The following NPAS3 variants were observed in gnomAD, a reference collection of about 807,000 sequenced individuals.
NPAS3 encodes neuronal PAS domain protein 3, also known as neuronal PAS domain-containing protein 3.
A neutral mutation model predicts 73.1 loss-of-function variants in NPAS3; 14 were observed. The observed-to-expected ratio is 0.19, with a 90% confidence interval of 0.13 to 0.30. The LOEUF (loss-of-function observed/expected upper bound fraction) is 0.30. Ranked by LOEUF, NPAS3 falls within the 10% of genes least tolerant of loss-of-function variation. The pLI is 1.00. For missense variants in NPAS3, 1,096 were observed against 1,250.0 expected (o/e 0.88, Z 1.86); for synonymous variants, 620 against 541.5 (o/e 1.14, Z -2.01).
chr14:32,981,853 T>A (rs2037911481), intron 1 of NPAS3, among the ~76,000 whole-genome samples: 1 of 152,222 alleles, frequency 6.6e-6, no homozygotes, highest in South Asian at 2.1e-4. Context: ...CAGGCCGTTT[T>A]CTTTTCCCTT....
intron 7 of NPAS3, among the ~76,000 whole-genome samples, chr14:33,747,796 T>A (rs1440411270): frequency 3.3e-5 from 5 of 152,336 alleles, no homozygotes; most frequent in South Asian, 4.1e-4. Flanking sequence ...GGCTTTCACA[T>A]CTGCTTTTTA....
At chr14:32,990,603 A>G (rs1026279386) in intron 1 of NPAS3, among the ~76,000 whole-genome samples, 2 of 152,260 alleles carry the variant, frequency 1.3e-5, no homozygotes, top group East Asian at 1.9e-4. Flanking sequence ...GACCAATCAA[A>G]AACTTGAAAA....
chr14:33,579,726 G>A (rs921132922), intron 5 of NPAS3, among the ~76,000 whole-genome samples: 5 of 151,868 alleles, frequency 3.3e-5, no homozygotes, highest in African/African-American at 7.3e-5. Context: ...GAGCAAGTTC[G>A]CCTTAAATTG....
intron 3 of NPAS3, among the ~76,000 whole-genome samples, chr14:33,321,247 C>A (rs926552876): frequency 4.6e-5 from 7 of 152,018 alleles, no homozygotes; most frequent in Admixed American, 1.3e-4. Flanking sequence ...AACTTCAAGG[C>A]AAGATTGTAC....
chr14:33,020,025 T>C (rs1419351905), intron 1 of NPAS3, among the ~76,000 whole-genome samples: 1 of 152,236 alleles, frequency 6.6e-6, no homozygotes, highest in Non-Finnish European at 1.5e-5. Context: ...TTGATTTTCA[T>C]GAAAACCACC....
chr14:33,419,120 A>C (rs1057226158), intron 4 of NPAS3, among the ~76,000 whole-genome samples: 3 of 151,926 alleles, frequency 2.0e-5, no homozygotes, highest in African/African-American at 7.2e-5. Flanking sequence ...ACATCTGATA[A>C]TGATAAATAG....
intron 4 of NPAS3, among the ~76,000 whole-genome samples, chr14:33,490,162 C>G (rs577318417): frequency 4.6e-5 from 7 of 152,244 alleles, no homozygotes; most frequent in Admixed American, 1.3e-4. Context: ...AAGACAGTGA[C>G]TTACCCTGTA....
At chr14:33,555,438 T>C (rs2055309321) in intron 4 of NPAS3, among the ~76,000 whole-genome samples, 1 of 152,076 alleles carries the variant, frequency 6.6e-6, no homozygotes, top group Non-Finnish European at 1.5e-5. Flanking sequence ...TTGAAAACAG[T>C]GGGCAGTTGA....
At chr14:33,698,099 C>A (rs940620112) in intron 6 of NPAS3, among the ~76,000 whole-genome samples, 1 of 152,042 alleles carries the variant, frequency 6.6e-6, no homozygotes, top group Non-Finnish European at 1.5e-5. Flanking sequence ...GTGAAGAGCT[C>A]ACATGCAGAC....
intron 2 of NPAS3, among the ~76,000 whole-genome samples, chr14:33,154,182 C>T (rs1045775303): frequency 3.3e-5 from 5 of 152,098 alleles, no homozygotes; most frequent in African/African-American, 1.2e-4. Flanking sequence ...AGTTAGCTGC[C>T]AGAGCTGTTT....
At chr14:33,770,810 G>T (rs1168758019) in intron 7 of NPAS3, among the ~76,000 whole-genome samples, 1 of 152,154 alleles carries the variant, frequency 6.6e-6, no homozygotes, top group Non-Finnish European at 1.5e-5. Context: ...TGAGGCAGGA[G>T]AACTGCTTGA....
At chr14:33,740,760 T>C (rs992369321) in intron 7 of NPAS3, among the ~76,000 whole-genome samples, 1 of 152,226 alleles carries the variant, frequency 6.6e-6, no homozygotes, top group Non-Finnish European at 1.5e-5. Context: ...CATGTTAGCA[T>C]CACTTATTTA....
At chr14:33,101,417 A>G (rs1262545314) in intron 2 of NPAS3, among the ~76,000 whole-genome samples, 2 of 152,202 alleles carry the variant, frequency 1.3e-5, no homozygotes, top group Non-Finnish European at 2.9e-5. Flanking sequence ...TATGAACAAC[A>G]ATAACTTGTA....
chr14:33,304,268 T>C (rs1045811265), intron 3 of NPAS3, among the ~76,000 whole-genome samples: 4 of 152,202 alleles, frequency 2.6e-5, no homozygotes, highest in Non-Finnish European at 5.9e-5. Context: ...TGGTGAGATG[T>C]TGGAGTTCTC....
chr14:33,041,389 C>T (rs1181359242), intron 1 of NPAS3, among the ~76,000 whole-genome samples: 1 of 152,074 alleles, frequency 6.6e-6, no homozygotes, highest in Non-Finnish European at 1.5e-5. Flanking sequence ...TTTACTAAGA[C>T]CAAGAAATTT....
intron 3 of NPAS3, among the ~76,000 whole-genome samples, chr14:33,268,061 A>G (rs1316612674): frequency 6.6e-6 from 1 of 152,180 alleles, no homozygotes; most frequent in Non-Finnish European, 1.5e-5. Context: ...GCTAAGTTTC[A>G]GAATGGCCTG....
intron 4 of NPAS3, among the ~76,000 whole-genome samples, chr14:33,410,301 C>T (rs1387995077): frequency 2.0e-5 from 3 of 152,098 alleles, no homozygotes; most frequent in East Asian, 1.9e-4. Context: ...CTTATTTAAA[C>T]TTTTGAGGCT....
intron 2 of NPAS3, among the ~76,000 whole-genome samples, chr14:33,188,502 T>G (rs1201484737): frequency 6.6e-6 from 1 of 152,240 alleles, no homozygotes; most frequent in African/African-American, 2.4e-5. Context: ...CCGTGTGGTG[T>G]GTTGTAACAT....
chr14:33,398,507 T>C (rs1261988682), intron 4 of NPAS3, among the ~76,000 whole-genome samples: 2 of 152,052 alleles, frequency 1.3e-5, no homozygotes, highest in African/African-American at 4.8e-5. Flanking sequence ...CTTAGTAATA[T>C]GTCCTAAGAG....
Sources: gnomAD v4.1 joint callset for allele counts (sites outside exome capture counted in the v4.1 genomes callset) on GRCh38, gnomAD v4.1.1 for gene constraint, MANE v1.5 for transcripts, NCBI Gene and HGNC (gene_info 2026-07-23, HGNC 2026-07-21) for gene names.